Variants in RAB38 observed in about 807,000 individuals in gnomAD.
RAB38 encodes RAB38, member RAS oncogene family, also known as ras-related protein Rab-38.
RAB38 carries 15 observed loss-of-function variants against 18.4 expected under a neutral mutation model. The observed-to-expected ratio is 0.82, with a 90% CI of 0.55 to 1.26. The LOEUF is 1.26. Ranked by LOEUF, RAB38 falls within the 50% of genes most tolerant of loss-of-function variation. RAB38 has a pLI of 0.00. For missense variants in RAB38, 294 were observed against 267.4 expected (o/e 1.10, Z -0.69); for synonymous variants, 101 against 104.4 (o/e 0.97, Z 0.20).
chr11:88,027,005 T>A, the RAB38 span, among the ~76,000 whole-genome samples: 1 of 152,204 alleles, frequency 6.6e-6, no homozygotes, highest in Non-Finnish European at 1.5e-5. Context: ...CGCAATGACC[T>A]CACATTTTTT....
chr11:87,886,614 G>A, the RAB38 span, among the ~76,000 whole-genome samples: 2 of 151,760 alleles, frequency 1.3e-5, no homozygotes, highest in Non-Finnish European at 2.9e-5. Flanking sequence ...CAAGGTCAGG[G>A]GAAATTGCTA....
the RAB38 span, among the ~76,000 whole-genome samples, chr11:88,094,596 C>A: frequency 6.6e-6 from 1 of 151,890 alleles, no homozygotes; most frequent in Non-Finnish European, 1.5e-5. Context: ...TATGTGAACT[C>A]TTTTACATGT....
the RAB38 span, among the ~76,000 whole-genome samples, chr11:87,856,187 A>C: frequency 6.6e-6 from 1 of 152,194 alleles, no homozygotes; most frequent in Admixed American, 6.5e-5. Flanking sequence ...TTTACAGATA[A>C]ATTTGGAGCA....
the RAB38 span, among the ~76,000 whole-genome samples, chr11:88,071,253 C>CACACACACACACAT: frequency 6.6e-6 from 1 of 151,632 alleles, no homozygotes; most frequent in African/African-American, 2.4e-5. Context: ...GACACACACA[C>CACACACACACACAT]ACACACACAC....
chr11:87,903,963 CA>C, the RAB38 span, among the ~76,000 whole-genome samples: 1 of 151,264 alleles, frequency 6.6e-6, no homozygotes, highest in South Asian at 2.1e-4. Flanking sequence ...CTAATATTTT[CA>C]AAAAATTATC....
At chr11:88,105,220 T>C in the RAB38 span, among the ~76,000 whole-genome samples, 1 of 150,992 alleles carries the variant, frequency 6.6e-6, no homozygotes, top group Non-Finnish European at 1.5e-5. Flanking sequence ...TCCAAAAAAG[T>C]ATTCATGTGC....
At chr11:88,074,348 A>G in the RAB38 span, among the ~76,000 whole-genome samples, 2 of 152,210 alleles carry the variant, frequency 1.3e-5, no homozygotes, top group Non-Finnish European at 2.9e-5. Flanking sequence ...CTTGTTAAGT[A>G]TAGGCAATAT....
At chr11:87,821,830 G>A in the RAB38 span, among the ~76,000 whole-genome samples, 4 of 148,220 alleles carry the variant, frequency 2.7e-5, no homozygotes, top group Admixed American at 6.9e-5. Context: ...CACCCTGGGC[G>A]AAAGAGCGAC....
At chr11:87,889,676 A>G in the RAB38 span, among the ~76,000 whole-genome samples, 1 of 152,024 alleles carries the variant, frequency 6.6e-6, no homozygotes, top group South Asian at 2.1e-4. Context: ...TCCCAAACTG[A>G]CAGAGTAGCT....
the RAB38 span, among the ~76,000 whole-genome samples, chr11:88,049,355 G>A: frequency 6.6e-6 from 1 of 152,054 alleles, no homozygotes; most frequent in Non-Finnish European, 1.5e-5. Context: ...TGCCTAAACT[G>A]ATGACATTAC....
intron 2 of RAB38, 142 bp from the exon 3 acceptor site, chr11:88,114,282 T>C: frequency 3.4e-6 from 3 of 890,098 alleles, no homozygotes; most frequent in Non-Finnish European, 5.0e-6. Context: ...CTCACTCTTA[T>C]TTGTTCCTTC....
the RAB38 span, among the ~76,000 whole-genome samples, chr11:87,904,034 T>C: frequency 6.6e-6 from 1 of 151,720 alleles, no homozygotes; most frequent in Non-Finnish European, 1.5e-5. Flanking sequence ...GAATTGTGGT[T>C]TTATTTTTAT....
At chr11:87,934,821 T>A in the RAB38 span, among the ~76,000 whole-genome samples, 1 of 151,726 alleles carries the variant, frequency 6.6e-6, no homozygotes, top group Non-Finnish European at 1.5e-5. Context: ...ATAGAAAAGA[T>A]GAAAAAGGAA....
downstream of RAB38, among the ~76,000 whole-genome samples, chr11:88,112,314 G>T (rs1942483883): frequency 6.6e-6 from 1 of 152,130 alleles, no homozygotes; most frequent in Non-Finnish European, 1.5e-5. Flanking sequence ...GGAGAAATGG[G>T]GGCAGAACTT....
chr11:87,881,321 G>T, the RAB38 span, among the ~76,000 whole-genome samples: 2 of 151,868 alleles, frequency 1.3e-5, no homozygotes, highest in Non-Finnish European at 2.9e-5. Flanking sequence ...TAACTTAAAA[G>T]AAAGATTCTA....
the RAB38 span, among the ~76,000 whole-genome samples, chr11:87,805,508 C>G: frequency 6.6e-6 from 1 of 151,802 alleles, no homozygotes; most frequent in Non-Finnish European, 1.5e-5. Flanking sequence ...GTAGCAGACA[C>G]TGGAGAAGAT....
Position 88,149,690 on chromosome 11 carries a change from A to C in RAB38, c.468T>G (p.Phe156Leu). Residue 156 changes from phenylalanine to leucine, a missense_variant, in exon 2 of 3, where the codon TTT (phenylalanine) becomes TTG (leucine). Coordinates refer to ENST00000243662, the MANE Select transcript of RAB38 (RefSeq NM_022337.3). ...GTCACATTACCTTTGCTGATGTTTC[A>C]AACCATCCTACGAAACCGTGCTCCT... ...FCKEHGFVGW[F>L]ETSAKENINI... is the part of the protein sequence containing the mutation. The C allele has an allele frequency of 6.2e-7, 1 of 1,610,586 alleles. No individual in the cohort carries two copies. The highest frequency in any genetic ancestry group is 8.5e-7 in the Non-Finnish European group (1 of 1,177,108).
chr11:87,913,608 T>C, the RAB38 span, among the ~76,000 whole-genome samples: 2 of 152,252 alleles, frequency 1.3e-5, no homozygotes, highest in African/African-American at 2.4e-5. Flanking sequence ...TGTGGTGGTA[T>C]TGGGAGGTGG....
chr11:87,931,943 T>G, the RAB38 span, among the ~76,000 whole-genome samples: 2 of 144,626 alleles, frequency 1.4e-5, no homozygotes, highest in Admixed American at 1.4e-4. Flanking sequence ...ACAGGAGGGG[T>G]GGGGTGGGGT....
Sources: allele counts gnomAD v4.1 joint callset (sites outside exome capture counted in the v4.1 genomes callset), GRCh38; gene constraint gnomAD v4.1.1; transcripts MANE v1.5; gene names NCBI Gene and HGNC (gene_info 2026-07-23, HGNC 2026-07-21).